Variants in NRG1 observed in about 807,000 individuals in gnomAD.
NRG1 encodes neuregulin 1.
NRG1 carries 18 observed loss-of-function variants against 63.8 expected under a neutral mutation model. The observed-to-expected ratio is 0.28, with a 90% confidence interval of 0.19 to 0.42. The LOEUF (loss-of-function observed/expected upper bound fraction) is 0.42. NRG1 is among the 10% of genes least tolerant of loss of function. The pLI is 1.00. For missense variants in NRG1, 762 were observed against 814.7 expected, an observed-to-expected ratio of 0.94 and a Z score of 0.79; for synonymous variants, 302 against 301.3, an observed-to-expected ratio of 1.00 and a Z score of -0.02.
intron 1 of NRG1, among the ~76,000 whole-genome samples, chr8:31,989,458 A>G (rs762606404): frequency 3.3e-4 from 50 of 151,950 alleles, no homozygotes; most frequent in Non-Finnish European, 5.4e-4. Context: ...TCGTCTTCAT[A>G]CAGCATAAGG....
intron 1 of NRG1, among the ~76,000 whole-genome samples, chr8:31,872,529 C>T (rs1829578528): frequency 6.6e-6 from 1 of 152,024 alleles, no homozygotes; most frequent in South Asian, 2.1e-4. Flanking sequence ...CTGTGGAATA[C>T]AAAAAAATGA....
intron 1 of NRG1, among the ~76,000 whole-genome samples, chr8:31,781,099 C>T (rs1048288654): frequency 2.0e-5 from 3 of 151,558 alleles, no homozygotes; most frequent in Non-Finnish European, 4.4e-5. Flanking sequence ...CTTGCAAATT[C>T]CTTTTTGGAT....
intron 1 of NRG1, among the ~76,000 whole-genome samples, chr8:31,892,289 T>G (rs1831211069): frequency 6.6e-6 from 1 of 152,148 alleles, no homozygotes; most frequent in African/African-American, 2.4e-5. Context: ...ATCAGCATAA[T>G]GAATCTACCA....
intron 1 of NRG1, among the ~76,000 whole-genome samples, chr8:32,158,448 G>GATATATAGATATATATATATATATATAT (rs1838404012): frequency 3.2e-5 from 2 of 62,194 alleles, no homozygotes; most frequent in African/African-American, 8.1e-5. Context: ...TGGTTTACAT[G>GATATATAGATATATATATATATATATAT]ATATATATAT....
At chr8:32,292,302 C>T (rs371111455) in intron 1 of NRG1, among the ~76,000 whole-genome samples, 3 of 152,120 alleles carry the variant, frequency 2.0e-5, no homozygotes, top group African/African-American at 7.2e-5. Flanking sequence ...CTCCCTTTAT[C>T]CTGAATTTCA....
intron 5 of NRG1, among the ~76,000 whole-genome samples, chr8:32,681,132 T>C (rs1358248142): frequency 6.6e-6 from 1 of 152,166 alleles, no homozygotes; most frequent in Non-Finnish European, 1.5e-5. Context: ...GAATCAGATA[T>C]ACAAATGAAG....
At chr8:32,491,883 G>T (rs1027695246) in intron 1 of NRG1, among the ~76,000 whole-genome samples, 5 of 152,104 alleles carry the variant, frequency 3.3e-5, no homozygotes, top group Non-Finnish European at 4.4e-5. Flanking sequence ...ATTAGATGGG[G>T]TATCATTCCC....
intron 1 of NRG1, among the ~76,000 whole-genome samples, chr8:31,673,994 C>G (rs1331423463): frequency 6.6e-6 from 1 of 152,140 alleles, no homozygotes; most frequent in Non-Finnish European, 1.5e-5. Flanking sequence ...TACTTCTTAT[C>G]TCTATAGATT....
At chr8:32,555,602 G>T (rs1391089848) in intron 1 of NRG1, among the ~76,000 whole-genome samples, 1 of 152,148 alleles carries the variant, frequency 6.6e-6, no homozygotes, top group East Asian at 1.9e-4. Flanking sequence ...CTCCCGAGTA[G>T]CTGGGACTAC....
intron 1 of NRG1, among the ~76,000 whole-genome samples, chr8:32,338,979 A>G (rs1586908135): frequency 6.6e-6 from 1 of 152,172 alleles, no homozygotes; most frequent in Admixed American, 6.5e-5. Context: ...AGAAGGGAGA[A>G]ACAGGATAAG....
chr8:32,124,675 G>C (rs1439922484), intron 1 of NRG1, among the ~76,000 whole-genome samples: 3 of 151,762 alleles, frequency 2.0e-5, no homozygotes, highest in East Asian at 3.9e-4. Context: ...GTGAATTTTT[G>C]CCCCTATTTT....
intron 1 of NRG1, among the ~76,000 whole-genome samples, chr8:31,782,740 C>T (rs1019788307): frequency 5.9e-5 from 9 of 152,116 alleles, no homozygotes; most frequent in African/African-American, 2.2e-4. Context: ...CAAAATTTAA[C>T]GTGCATGTGA....
At chr8:32,763,022 C>T (rs1280070222) in intron 11 of NRG1, among the ~76,000 whole-genome samples, 2 of 152,162 alleles carry the variant, frequency 1.3e-5, no homozygotes, top group African/African-American at 4.8e-5. Flanking sequence ...TGGACATAAC[C>T]TCCATTGTGG....
chr8:32,424,861 A>G (rs566960722), intron 1 of NRG1, among the ~76,000 whole-genome samples: 8 of 152,310 alleles, frequency 5.3e-5, no homozygotes, highest in Admixed American at 5.2e-4. Context: ...CTCTGTTAAA[A>G]CAAAACAGAA....
chr8:32,107,197 CAG>C (rs772219478), intron 1 of NRG1, among the ~76,000 whole-genome samples: 29 of 148,074 alleles, frequency 2.0e-4, no homozygotes, highest in Non-Finnish European at 3.6e-4. Flanking sequence ...GATTGCGCAA[CAG>C]AGTGTGACTC....
intron 1 of NRG1, among the ~76,000 whole-genome samples, chr8:32,378,209 G>C (rs1024201072): frequency 2.0e-5 from 3 of 152,028 alleles, no homozygotes; most frequent in African/African-American, 7.3e-5. Flanking sequence ...CATGTTGTGG[G>C]GCCCAGTGGG....
chr8:32,190,955 A>G (rs1012238002), intron 1 of NRG1, among the ~76,000 whole-genome samples: 1 of 152,208 alleles, frequency 6.6e-6, no homozygotes, highest in Non-Finnish European at 1.5e-5. Flanking sequence ...AGATAAAGAC[A>G]TGTTTTTTAT....
chr8:31,662,744 C>A (rs189085365), intron 1 of NRG1, among the ~76,000 whole-genome samples: 2 of 152,142 alleles, frequency 1.3e-5, no homozygotes, highest in African/African-American at 4.8e-5. Flanking sequence ...TCATCATCTG[C>A]ACTTGGATGG....
intron 1 of NRG1, among the ~76,000 whole-genome samples, chr8:32,296,432 A>G (rs1854878589): frequency 1.3e-5 from 2 of 151,862 alleles, no homozygotes; most frequent in Non-Finnish European, 2.9e-5. Context: ...TGGCCAAACT[A>G]GTGAAACCTC....
Sources: allele counts gnomAD v4.1 joint callset (sites outside exome capture counted in the v4.1 genomes callset), GRCh38; gene constraint gnomAD v4.1.1; transcripts MANE v1.5; gene names NCBI Gene and HGNC (gene_info 2026-07-23, HGNC 2026-07-21).